Variants in RANBP17 observed in about 807,000 individuals in gnomAD.
RANBP17 encodes RAN binding protein 17.
A neutral mutation model predicts 141.2 loss-of-function variants in RANBP17; 158 were observed. That is an observed-to-expected ratio of 1.12 (90% confidence interval 0.98 to 1.28). RANBP17 has a LOEUF of 1.28. Ranked by LOEUF, RANBP17 falls within the 50% of genes most tolerant of loss-of-function variation. The pLI is 0.00. For synonymous variants in RANBP17, 430 were observed against 450.0 expected, an observed-to-expected ratio of 0.96 and a Z score of 0.56; for missense variants, 1,438 against 1,290.7, an observed-to-expected ratio of 1.11 and a Z score of -1.75.
At chr5:171,047,848 C>G (rs1782695094) in intron 14 of RANBP17, among the ~76,000 whole-genome samples, 1 of 151,810 alleles carries the variant, frequency 6.6e-6, no homozygotes, top group Non-Finnish European at 1.5e-5. Context: ...TTTTTTCATT[C>G]TGAAGTATCC....
intron 25 of RANBP17, among the ~76,000 whole-genome samples, chr5:171,281,439 A>C (rs1016747530): frequency 6.6e-6 from 1 of 152,198 alleles, no homozygotes; most frequent in Non-Finnish European, 1.5e-5. Context: ...AATTAGAGAT[A>C]AGTGCATTTA....
intron 14 of RANBP17, among the ~76,000 whole-genome samples, chr5:170,990,746 T>C (rs1466334013): frequency 6.6e-6 from 1 of 151,960 alleles, no homozygotes; most frequent in Non-Finnish European, 1.5e-5. Context: ...CCATACATAT[T>C]CAGCTGATAT....
rs943092868 is a variant in RANBP17, at chr5:170,991,667, C to A, written c.1710+23290C>A. On this transcript the variant is annotated intron_variant, in intron 14 of 27. Coordinates refer to ENST00000523189, the MANE Select transcript of RANBP17 (RefSeq NM_022897.5). ...CTGGGAAATCTCATTACTTTTTCTG[C>A]GTATCAGTTTCCTAACCTGTCAACA... Among the ~76,000 whole-genome samples the A allele has an allele frequency of 3.3e-5, 5 of 151,984 alleles. No individual in the cohort carries two copies. In the East Asian group the frequency reaches 9.7e-4, roughly 29 times the overall value.
chr5:171,254,332 T>A (rs1178099132), intron 24 of RANBP17, among the ~76,000 whole-genome samples: 1 of 152,158 alleles, frequency 6.6e-6, no homozygotes, highest in Non-Finnish European at 1.5e-5. Context: ...TTAGAATTCT[T>A]AAGTATTCTA....
intron 24 of RANBP17, among the ~76,000 whole-genome samples, chr5:171,258,159 ACC>A (rs397882114): frequency 7.5e-6 from 1 of 133,082 alleles, no homozygotes; most frequent in Non-Finnish European, 1.6e-5. Context: ...ACACACACAC[ACC>A]CCTAGGAATG....
intron 18 of RANBP17, among the ~76,000 whole-genome samples, chr5:171,187,270 T>A (rs1055805508): frequency 6.6e-6 from 1 of 152,062 alleles, no homozygotes; most frequent in African/African-American, 2.4e-5. Flanking sequence ...GTTACAATAA[T>A]AACATCAAAG....
chr5:171,026,386 C>T (rs959528590), intron 14 of RANBP17, among the ~76,000 whole-genome samples: 2 of 152,136 alleles, frequency 1.3e-5, no homozygotes. Context: ...ATTGATCTTT[C>T]TCTATATGCT....
intron 3 of RANBP17, among the ~76,000 whole-genome samples, chr5:170,884,333 G>A (rs1561853942): frequency 1.3e-5 from 2 of 152,152 alleles, no homozygotes; most frequent in Non-Finnish European, 2.9e-5. Context: ...ACTGCTTATA[G>A]TCTACTGTTG....
intron 14 of RANBP17, among the ~76,000 whole-genome samples, chr5:171,105,902 T>C (rs1754797670): frequency 6.6e-6 from 1 of 152,166 alleles, no homozygotes; most frequent in Admixed American, 6.6e-5. Flanking sequence ...CATTCTTACC[T>C]TTATTTGTTT....
chr5:170,956,870 G>A (rs1775744874), intron 13 of RANBP17, among the ~76,000 whole-genome samples: 1 of 151,814 alleles, frequency 6.6e-6, no homozygotes, highest in Non-Finnish European at 1.5e-5. Context: ...AGGAGATCGA[G>A]ACCATCCTGG....
chr5:170,905,021 A>G (rs984160067), intron 5 of RANBP17, among the ~76,000 whole-genome samples: 7 of 152,164 alleles, frequency 4.6e-5, no homozygotes, highest in Non-Finnish European at 2.9e-5. Flanking sequence ...TATTTGTATT[A>G]AATTTTTAAA....
chr5:171,276,856 A>G (rs756186428), intron 25 of RANBP17, among the ~76,000 whole-genome samples: 25 of 149,680 alleles, frequency 1.7e-4, no homozygotes, highest in Non-Finnish European at 2.8e-4. Flanking sequence ...CTTCATTAAT[A>G]GTGGTTGGCA....
At chr5:171,019,030 T>C (rs957148970) in intron 14 of RANBP17, among the ~76,000 whole-genome samples, 3 of 152,170 alleles carry the variant, frequency 2.0e-5, no homozygotes, top group Non-Finnish European at 4.4e-5. Context: ...GGTTTTTGTC[T>C]TTGTTTCTGT....
chr5:170,999,682 A>C (rs190010609), intron 14 of RANBP17, among the ~76,000 whole-genome samples: 37 of 152,334 alleles, frequency 2.4e-4, no homozygotes, highest in Admixed American at 2.0e-3. Context: ...TATAGTTGCT[A>C]TAACCTAATA....
chr5:171,128,379 G>T (rs1756654039), intron 14 of RANBP17, among the ~76,000 whole-genome samples: 1 of 152,046 alleles, frequency 6.6e-6, no homozygotes, highest in South Asian at 2.1e-4. Flanking sequence ...GATGAAACTG[G>T]AGGTCATTAT....
chr5:171,256,729 A>G (rs1385945446), intron 24 of RANBP17, among the ~76,000 whole-genome samples: 1 of 152,210 alleles, frequency 6.6e-6, no homozygotes, highest in African/African-American at 2.4e-5. Flanking sequence ...AGGAGGTGTT[A>G]CAACTGATCA....
chr5:170,922,581 A>G (rs1171660411), intron 11 of RANBP17, among the ~76,000 whole-genome samples: 1 of 152,154 alleles, frequency 6.6e-6, no homozygotes, highest in African/African-American at 2.4e-5. Flanking sequence ...AGACTGCTGC[A>G]CTAGCAGTGA....
intron 20 of RANBP17, among the ~76,000 whole-genome samples, chr5:171,211,318 G>A (rs1762869508): frequency 6.6e-6 from 1 of 151,746 alleles, no homozygotes; most frequent in Non-Finnish European, 1.5e-5. Context: ...CTGGAGTGCA[G>A]TGGTGCAGTC....
At chr5:171,256,756 C>G (rs1456551893) in intron 24 of RANBP17, among the ~76,000 whole-genome samples, 1 of 151,852 alleles carries the variant, frequency 6.6e-6, no homozygotes, top group Non-Finnish European at 1.5e-5. Context: ...TATGAAAGAT[C>G]ATCAGAGACT....
Sources: allele counts gnomAD v4.1 joint callset (sites outside exome capture counted in the v4.1 genomes callset), GRCh38; gene constraint gnomAD v4.1.1; transcripts MANE v1.5; gene names NCBI Gene and HGNC (gene_info 2026-07-23, HGNC 2026-07-21).